Variants in LRRC4C observed in about 807,000 individuals in gnomAD.
LRRC4C encodes leucine-rich repeat-containing protein 4C.
In LRRC4C, 5 loss-of-function variants were observed where a neutral mutation model predicts 33.6. The ratio of observed to expected loss-of-function variants is 0.15; its 90% CI spans 0.08 to 0.31. The LOEUF (loss-of-function observed/expected upper bound fraction) is 0.31. Among genes scored for constraint, LRRC4C ranks in the 10% least tolerant of loss-of-function variants. The pLI is 1.00. For synonymous variants in LRRC4C, 329 were observed against 302.0 expected, an observed-to-expected ratio of 1.09 and a Z score of -0.93; for missense variants, 560 against 796.7, an observed-to-expected ratio of 0.70 and a Z score of 3.58.
chr11:41,083,401 G>A (rs1939722860), intron 1 of LRRC4C, among the ~76,000 whole-genome samples: 1 of 152,074 alleles, frequency 6.6e-6, no homozygotes, highest in Non-Finnish European at 1.5e-5. Flanking sequence ...CAGATAAAAT[G>A]TGATTAAGAA....
chr11:40,832,416 G>T (rs1952459423), intron 2 of LRRC4C, among the ~76,000 whole-genome samples: 1 of 152,116 alleles, frequency 6.6e-6, no homozygotes, highest in Non-Finnish European at 1.5e-5. Flanking sequence ...ATACATTTTA[G>T]TATGTCAGAC....
rs535665596 is a variant in LRRC4C at position 40,450,395 on chromosome 11, G to C, written c.-269-130674C>G. Among the ~76,000 whole-genome samples, 3 of 152,188 alleles carry C rather than the reference G, an allele frequency of 2.0e-5. No individual in the cohort carries two copies. The East Asian group carries it at 5.8e-4, about 29-fold the overall frequency. On this transcript the variant is annotated intron_variant, in intron 3 of 6. Transcript: ENST00000528697. The stretch of plus-strand genomic sequence containing the variant: ...AAAGTGTCTATGACCTGTGTGATAT[G>C]TGTGGATTTCTATATTATAGCTCAT...
chr11:41,360,938 A>C (rs1245685811), intron 1 of LRRC4C, among the ~76,000 whole-genome samples: 1 of 152,218 alleles, frequency 6.6e-6, no homozygotes, highest in East Asian at 1.9e-4. Flanking sequence ...CATGGAGATC[A>C]CCGTAATGCT....
At chr11:40,736,100 G>T (rs1239052766) in intron 2 of LRRC4C, among the ~76,000 whole-genome samples, 1 of 151,970 alleles carries the variant, frequency 6.6e-6, no homozygotes, top group Non-Finnish European at 1.5e-5. Flanking sequence ...TGCCATGGTG[G>T]TTTTCTGTAC....
intron 2 of LRRC4C, among the ~76,000 whole-genome samples, chr11:40,810,331 C>T (rs12293800): frequency 0.028 from 4,256 of 152,234 alleles, 111 homozygotes; most frequent in African/African-American, 0.066. Context: ...ATCTCAGTTG[C>T]CTTGGTTATC....
intron 3 of LRRC4C, among the ~76,000 whole-genome samples, chr11:40,326,844 C>T (rs1453856247): frequency 6.6e-6 from 1 of 151,930 alleles, no homozygotes; most frequent in Non-Finnish European, 1.5e-5. Flanking sequence ...ATGATAATAA[C>T]CAGTGTGTAG....
At chr11:41,112,236 GAC>G (rs1254656971) in intron 1 of LRRC4C, among the ~76,000 whole-genome samples, 1 of 152,026 alleles carries the variant, frequency 6.6e-6, no homozygotes, top group African/African-American at 2.4e-5. Flanking sequence ...CTCACATCCT[GAC>G]ACTGATTGCT....
intron 5 of LRRC4C, among the ~76,000 whole-genome samples, chr11:40,173,652 T>G (rs766148348): frequency 6.6e-6 from 1 of 152,176 alleles, no homozygotes; most frequent in African/African-American, 2.4e-5. Flanking sequence ...AAAATCTCAG[T>G]GGATCTTACT....
chr11:41,031,547 T>C (rs1856729485), intron 1 of LRRC4C, among the ~76,000 whole-genome samples: 1 of 152,024 alleles, frequency 6.6e-6, no homozygotes, highest in Non-Finnish European at 1.5e-5. Context: ...GGACAAATCA[T>C]AGATCTAATG....
intron 2 of LRRC4C, among the ~76,000 whole-genome samples, chr11:40,811,148 CT>C: frequency 6.6e-6 from 1 of 152,160 alleles, no homozygotes; most frequent in East Asian, 1.9e-4. Flanking sequence ...CTCAAGCTTT[CT>C]TTTTCTTTTT....
chr11:41,450,493 G>T (rs1333686329), intron 1 of LRRC4C, among the ~76,000 whole-genome samples: 1 of 152,116 alleles, frequency 6.6e-6, no homozygotes, highest in South Asian at 2.1e-4. Flanking sequence ...AGGAATAAAG[G>T]CACCAGGGCT....
chr11:41,263,750 T>C (rs1949057347), intron 1 of LRRC4C, among the ~76,000 whole-genome samples: 3 of 152,214 alleles, frequency 2.0e-5, no homozygotes, highest in South Asian at 4.1e-4. Context: ...TTAGTACTTA[T>C]TGACTGAGAC....
chr11:41,431,428 C>A (rs1955230663), intron 1 of LRRC4C, among the ~76,000 whole-genome samples: 1 of 151,922 alleles, frequency 6.6e-6, no homozygotes, highest in Non-Finnish European at 1.5e-5. Context: ...ATATTCTGAG[C>A]CTGACTGGTC....
chr11:40,652,000 G>A (rs1398860813), intron 2 of LRRC4C, among the ~76,000 whole-genome samples: 1 of 152,018 alleles, frequency 6.6e-6, no homozygotes, highest in African/African-American at 2.4e-5. Context: ...TTTTGAATTT[G>A]ATCTTTTGAC....
chr11:41,318,456 C>T (rs1463020035), intron 1 of LRRC4C, among the ~76,000 whole-genome samples: 2 of 152,158 alleles, frequency 1.3e-5, no homozygotes, highest in Non-Finnish European at 2.9e-5. Context: ...CTCCAGATTT[C>T]GTCCTCAATT....
intron 1 of LRRC4C, among the ~76,000 whole-genome samples, chr11:41,039,941 A>C (rs1215830958): frequency 1.3e-5 from 2 of 151,830 alleles, no homozygotes; most frequent in Non-Finnish European, 2.9e-5. Context: ...GGAGATGGAG[A>C]CTATCCTGGC....
chr11:40,359,642 G>A (rs974101772), intron 3 of LRRC4C, among the ~76,000 whole-genome samples: 10 of 152,072 alleles, frequency 6.6e-5, no homozygotes, highest in Non-Finnish European at 1.0e-4. Context: ...ATAGCTGTAT[G>A]AGAATATTTT....
intron 2 of LRRC4C, among the ~76,000 whole-genome samples, chr11:40,847,351 C>A (rs941268138): frequency 3.3e-5 from 5 of 152,090 alleles, no homozygotes; most frequent in African/African-American, 9.7e-5. Flanking sequence ...TGTTTTTTAG[C>A]ATGAAGGAGT....
intron 1 of LRRC4C, among the ~76,000 whole-genome samples, chr11:41,325,242 T>G (rs563618950): frequency 6.6e-6 from 1 of 152,212 alleles, no homozygotes; most frequent in Admixed American, 6.5e-5. Context: ...AAATGTATAT[T>G]AAGCTTGTGA....
Sources: gnomAD v4.1 joint callset for allele counts (sites outside exome capture counted in the v4.1 genomes callset) on GRCh38, gnomAD v4.1.1 for gene constraint, MANE v1.5 for transcripts, NCBI Gene and HGNC (gene_info 2026-07-23, HGNC 2026-07-21) for gene names.